ZFHX3: variants seen among roughly 807,000 people sequenced by gnomAD.
ZFHX3 encodes the protein zinc finger homeobox protein 3.
ZFHX3 carries 42 observed loss-of-function variants against 279.1 expected under a neutral mutation model. That is an observed-to-expected ratio of 0.15 (90% confidence interval 0.12 to 0.19). ZFHX3 has a LOEUF of 0.19. Among genes scored for constraint, ZFHX3 ranks in the 10% least tolerant of loss-of-function variants. ZFHX3 has a pLI of 1.00. For synonymous variants in ZFHX3, 2,293 were observed against 1,957.8 expected, an observed-to-expected ratio of 1.17 and a Z score of -4.52; for missense variants, 4,981 against 4,754.0, an observed-to-expected ratio of 1.05 and a Z score of -1.40.
chr16:72,851,828 G>C (rs965401662), intron 4 of ZFHX3, among the ~76,000 whole-genome samples: 4 of 152,130 alleles, frequency 2.6e-5, no homozygotes, highest in Non-Finnish European at 5.9e-5. Context: ...TGAGATTACA[G>C]GTGTGAGCCA....
At chr16:73,002,173 AC>A (rs1963520947) in intron 1 of ZFHX3, among the ~76,000 whole-genome samples, 2 of 152,112 alleles carry the variant, frequency 1.3e-5, no homozygotes, top group African/African-American at 2.4e-5. Flanking sequence ...TGGAACTCAA[AC>A]CCCCGCCAGG....
intron 3 of ZFHX3, among the ~76,000 whole-genome samples, chr16:73,399,154 A>G (rs2017194089): frequency 6.6e-6 from 1 of 152,028 alleles, no homozygotes; most frequent in South Asian, 2.1e-4. Context: ...CTAAGATTAC[A>G]GGCCTGAGCC....
intron 2 of ZFHX3, among the ~76,000 whole-genome samples, chr16:73,629,828 A>C (rs1468880945): frequency 1.3e-5 from 2 of 152,182 alleles, no homozygotes; most frequent in Non-Finnish European, 2.9e-5. Context: ...CTAAAAAGGC[A>C]CAGGCGACAA....
Position 73,271,798 on chromosome 16 carries a change from C to T in ZFHX3, c.-1193-14662G>A, listed in dbSNP as rs2014152385. ...TGCTTCCTGCCCTCCACCGAACTGC[C>T]TTCCTTCTCTGACAATGTTTTGTCT... On this transcript the variant is annotated intron_variant, in intron 4 of 17. Transcript: ENST00000641206. Among the ~76,000 whole-genome samples the T allele has an allele frequency of 2.0e-5, 3 of 152,164 alleles. No individual in the cohort carries two copies. In the South Asian group the frequency reaches 6.2e-4, roughly 32 times the overall value.
intron 4 of ZFHX3, among the ~76,000 whole-genome samples, chr16:72,859,787 G>A (rs2037838492): frequency 6.6e-6 from 1 of 152,050 alleles, no homozygotes; most frequent in Admixed American, 6.5e-5. Context: ...GCTGGGTTGT[G>A]GTCACTTCTG....
chr16:72,924,925 C>T (rs1368106036), intron 3 of ZFHX3, among the ~76,000 whole-genome samples: 5 of 152,164 alleles, frequency 3.3e-5, no homozygotes, highest in African/African-American at 7.2e-5. Flanking sequence ...TTTACAGAAA[C>T]GCACCTATAG....
At chr16:73,669,908 GTTGTAC>G (rs1363326202) in intron 2 of ZFHX3, among the ~76,000 whole-genome samples, 1 of 152,180 alleles carries the variant, frequency 6.6e-6, no homozygotes, top group African/African-American at 2.4e-5. Flanking sequence ...GAGCTAAGCT[GTTGTAC>G]TTGACTGTGT....
intron 1 of ZFHX3, among the ~76,000 whole-genome samples, chr16:73,726,010 G>T (rs1213517848): frequency 6.6e-6 from 1 of 152,154 alleles, no homozygotes; most frequent in Non-Finnish European, 1.5e-5. Flanking sequence ...TTCAAGGGGA[G>T]GGTAGACAGG....
chr16:73,321,821 C>T (rs528309124), intron 3 of ZFHX3, among the ~76,000 whole-genome samples: 22 of 151,520 alleles, frequency 1.5e-4, no homozygotes, highest in African/African-American at 5.3e-4. Context: ...TCTTCCTAAG[C>T]ATGGTAAATT....
At chr16:73,355,994 C>G (rs567918355) in intron 3 of ZFHX3, among the ~76,000 whole-genome samples, 2 of 152,280 alleles carry the variant, frequency 1.3e-5, no homozygotes, top group East Asian at 1.9e-4. Flanking sequence ...CGCTGCCTCT[C>G]CAGCAACCTT....
At chr16:73,219,708 T>C (rs1385390250) in intron 5 of ZFHX3, among the ~76,000 whole-genome samples, 4 of 152,294 alleles carry the variant, frequency 2.6e-5, no homozygotes, top group East Asian at 1.9e-4. Flanking sequence ...ACTGGTCCTA[T>C]CTTGGAATCA....
intron 1 of ZFHX3, among the ~76,000 whole-genome samples, chr16:73,864,894 C>G (rs980163771): frequency 6.6e-6 from 1 of 152,182 alleles, no homozygotes; most frequent in Admixed American, 6.5e-5. Flanking sequence ...ACAACAATTC[C>G]CTTACCCCTT....
chr16:73,567,456 C>A (rs2020467566), intron 2 of ZFHX3, among the ~76,000 whole-genome samples: 1 of 152,216 alleles, frequency 6.6e-6, no homozygotes, highest in African/African-American at 2.4e-5. Context: ...CCTCATCTCC[C>A]TTAGTTGGGA....
chr16:73,749,971 A>G (rs2142268738), intron 1 of ZFHX3, among the ~76,000 whole-genome samples: 1 of 152,304 alleles, frequency 6.6e-6, no homozygotes, highest in South Asian at 2.1e-4. Context: ...AGAGCAGTAA[A>G]CAGGCTAGTG....
intron 7 of ZFHX3, among the ~76,000 whole-genome samples, chr16:73,108,111 A>G (rs540303466): frequency 1.3e-5 from 2 of 152,216 alleles, no homozygotes; most frequent in South Asian, 4.1e-4. Flanking sequence ...CAGTGAGCCG[A>G]GATTGTGCCA....
At chr16:73,340,267 GCAGA>G (rs1261198111) in intron 3 of ZFHX3, among the ~76,000 whole-genome samples, 2 of 152,348 alleles carry the variant, frequency 1.3e-5, no homozygotes, top group South Asian at 4.1e-4. Flanking sequence ...CTGGAATAGA[GCAGA>G]CAGTCTGGGA....
chr16:73,703,508 AT>A (rs1258617902), intron 1 of ZFHX3, among the ~76,000 whole-genome samples: 2 of 151,942 alleles, frequency 1.3e-5, no homozygotes, highest in South Asian at 4.2e-4. Flanking sequence ...AAAAAAATTG[AT>A]GTGGGAAGGG....
chr16:73,057,509 C>T (rs1168764207), intron 1 of ZFHX3, among the ~76,000 whole-genome samples: 4 of 139,464 alleles, frequency 2.9e-5, no homozygotes, highest in Non-Finnish European at 4.6e-5. Context: ...GGGAACCCAA[C>T]GTAAACAATC....
At chr16:73,834,331 T>G (rs1492559) in intron 1 of ZFHX3, among the ~76,000 whole-genome samples, 64,960 of 151,962 alleles carry the variant, frequency 0.43, 14,187 homozygotes, top group Non-Finnish European at 0.47. Context: ...TCTTTACTCA[T>G]GAAAAAGGTT....
Sources: gnomAD v4.1 joint callset for allele counts (sites outside exome capture counted in the v4.1 genomes callset) on GRCh38, gnomAD v4.1.1 for gene constraint, MANE v1.5 for transcripts, NCBI Gene and HGNC (gene_info 2026-07-23, HGNC 2026-07-21) for gene names.